Variants in ZDHHC17 observed in about 807,000 individuals in gnomAD.
ZDHHC17 encodes the protein zDHHC palmitoyltransferase 17.
ZDHHC17 carries 40 observed loss-of-function variants against 90.3 expected under a neutral mutation model. The ratio of observed to expected loss-of-function variants is 0.44; its 90% CI spans 0.34 to 0.58. ZDHHC17 has a LOEUF of 0.58. Ranked by LOEUF, ZDHHC17 falls within the 20% of genes least tolerant of loss-of-function variation. The probability of loss-of-function intolerance (pLI) is 0.01; values close to 1 mark genes in which losing one functional copy is unlikely to be tolerated. For synonymous variants in ZDHHC17, 235 were observed against 252.4 expected, an observed-to-expected ratio of 0.93 and a Z score of 0.65; for missense variants, 614 against 780.8, an observed-to-expected ratio of 0.79 and a Z score of 2.55.
rs773144339 is a variant in ZDHHC17 at position 76,805,292 on chromosome 12, A to G, written c.198-25A>G. ...TTACATTTCTTGTTAAATAATAACA[A>G]TGCCATATTTTCTTTCTTTTCTAGA... is the stretch of plus-strand genomic sequence containing the variant. On this transcript the variant is annotated intron_variant, in intron 2 of 16. Coordinates refer to ENST00000426126, the MANE Select transcript of ZDHHC17 (RefSeq NM_015336.4). 6.4e-6 allele frequency: 10 copies of G among 1,555,552 alleles called. No individual in the cohort carries two copies. The African/African-American group carries it at 9.5e-5, about 15-fold the overall frequency.
At chr12:76,769,985 G>GTA (rs1952474967) in intron 1 of ZDHHC17, among the ~76,000 whole-genome samples, 1 of 152,182 alleles carries the variant, frequency 6.6e-6, no homozygotes, top group South Asian at 2.1e-4. Context: ...GGATATAAGA[G>GTA]TATATAGGTT....
chr12:76,843,530 T>G (rs1399321811), intron 12 of ZDHHC17, among the ~76,000 whole-genome samples: 1 of 152,056 alleles, frequency 6.6e-6, no homozygotes, highest in African/African-American at 2.4e-5. Context: ...GGTAAAGATA[T>G]ATATGAAATT....
At chr12:76,815,293 A>T in intron 6 of ZDHHC17, 83 bp downstream of exon 6, 1 of 805,140 alleles carries the variant, frequency 1.2e-6, no homozygotes, top group East Asian at 2.8e-5. Context: ...AGCAGTTAAT[A>T]CTATACTCAC....
At chr12:76,775,847 A>G (rs1454795253) in intron 1 of ZDHHC17, among the ~76,000 whole-genome samples, 3 of 152,040 alleles carry the variant, frequency 2.0e-5, no homozygotes, top group African/African-American at 7.2e-5. Context: ...TTACCTCCCT[A>G]TGTTCTTTCA....
rs77363236 is a variant in ZDHHC17, at chr12:76,830,974, A to G, written c.1141+2484A>G. ...AAATAAGAGAGGCAAATTTTGAAGG[A>G]AAGACCAGAACAATCAAGTCTATTT... On this transcript the variant is annotated intron_variant, in intron 10 of 16. Transcript: ENST00000426126. Among the ~76,000 whole-genome samples, 496 of 152,322 alleles carry G rather than the reference A, an allele frequency of 3.3e-3. 3 individuals are homozygous for G. Among genetic ancestry groups the G allele is most frequent in the African/African-American group, 0.011 (466 of 41,578 alleles).
At chr12:76,774,801 G>A (rs1952539692) in intron 1 of ZDHHC17, among the ~76,000 whole-genome samples, 1 of 152,158 alleles carries the variant, frequency 6.6e-6, no homozygotes. Context: ...TAACCTGTAT[G>A]TATTTTAATA....
intron 1 of ZDHHC17, among the ~76,000 whole-genome samples, chr12:76,777,348 T>G (rs1230698844): frequency 6.6e-6 from 1 of 152,040 alleles, no homozygotes; most frequent in Non-Finnish European, 1.5e-5. Context: ...GTCATCAGGT[T>G]GTTGTGTGTA....
At chr12:76,794,703 A>G (rs1952798931) in intron 1 of ZDHHC17, among the ~76,000 whole-genome samples, 2 of 152,200 alleles carry the variant, frequency 1.3e-5, no homozygotes, top group African/African-American at 4.8e-5. Context: ...TCTAATTTCC[A>G]GTAACATTTT....
At chr12:76,848,962 A>T (rs1027235158) in intron 15 of ZDHHC17, among the ~76,000 whole-genome samples, 1 of 151,566 alleles carries the variant, frequency 6.6e-6, no homozygotes, top group Non-Finnish European at 1.5e-5. Flanking sequence ...CTTCAAATTA[A>T]TTTTTTTATA....
intron 1 of ZDHHC17, among the ~76,000 whole-genome samples, chr12:76,782,842 G>A (rs1181139969): frequency 6.6e-6 from 1 of 152,018 alleles, no homozygotes; most frequent in Non-Finnish European, 1.5e-5. Context: ...TAGTCAGCAA[G>A]CAGAATGAGG....
chr12:76,799,839 C>G (rs573902631), intron 2 of ZDHHC17, among the ~76,000 whole-genome samples: 54 of 152,194 alleles, frequency 3.5e-4, no homozygotes, highest in African/African-American at 1.3e-3. Flanking sequence ...ATGCCTGGGA[C>G]CAGAAGTGTT....
chr12:76,783,386 A>G (rs184341021), intron 1 of ZDHHC17, among the ~76,000 whole-genome samples: 2 of 152,226 alleles, frequency 1.3e-5, no homozygotes, highest in Non-Finnish European at 2.9e-5. Flanking sequence ...ACATGGTGGC[A>G]GGAAAGAGGA....
intron 1 of ZDHHC17, among the ~76,000 whole-genome samples, chr12:76,771,484 T>C (rs1191070732): frequency 6.6e-6 from 1 of 152,210 alleles, no homozygotes; most frequent in Non-Finnish European, 1.5e-5. Flanking sequence ...TCGGTGATAC[T>C]GTTAGGGATA....
rs376695271 is a variant in ZDHHC17, at chr12:76,789,058, A to T, written c.94-8376A>T. The stretch of plus-strand genomic sequence containing the variant: ...AATAACACCCAGTGCCAGTGAGTTT[A>T]TGGAGAAATAGTTAATCATGTATTG... On this transcript the variant is annotated intron_variant, in intron 1 of 16. Coordinates refer to ENST00000426126, the MANE Select transcript of ZDHHC17 (RefSeq NM_015336.4). Among the ~76,000 whole-genome samples, 5 of 152,202 alleles carry T rather than the reference A, an allele frequency of 3.3e-5. No homozygotes were observed. The South Asian group carries it at 1.0e-3, about 31-fold the overall frequency.
chr12:76,780,557 A>C (rs76482568), intron 1 of ZDHHC17, among the ~76,000 whole-genome samples: 345 of 152,310 alleles, frequency 2.3e-3, no homozygotes, highest in African/African-American at 7.7e-3. Flanking sequence ...CTTTGTAATA[A>C]AATTCTTAAA....
intron 1 of ZDHHC17, among the ~76,000 whole-genome samples, chr12:76,793,231 G>A (rs1303435557): frequency 1.3e-5 from 2 of 152,160 alleles, no homozygotes; most frequent in South Asian, 2.1e-4. Context: ...TGTTTAAGAC[G>A]GGAATGAGGC....
intron 1 of ZDHHC17, among the ~76,000 whole-genome samples, chr12:76,770,886 A>G (rs1398081202): frequency 6.7e-6 from 1 of 148,438 alleles, no homozygotes; most frequent in Non-Finnish European, 1.5e-5. Flanking sequence ...GTGAGCTAAG[A>G]TCGTGCCATC....
intron 9 of ZDHHC17, among the ~76,000 whole-genome samples, chr12:76,827,695 A>AT (rs1393285134): frequency 6.6e-6 from 1 of 152,088 alleles, no homozygotes; most frequent in Non-Finnish European, 1.5e-5. Context: ...TCTGAAAATA[A>AT]TTCACACAGA....
intron 1 of ZDHHC17, among the ~76,000 whole-genome samples, chr12:76,766,558 C>T (rs17042538): frequency 0.045 from 6,791 of 152,246 alleles, 232 homozygotes; most frequent in East Asian, 0.16. Context: ...GGAAGAAACC[C>T]ATTCTCTGTC....
Sources: gnomAD v4.1 joint callset for allele counts (sites outside exome capture counted in the v4.1 genomes callset) on GRCh38, gnomAD v4.1.1 for gene constraint, MANE v1.5 for transcripts, NCBI Gene and HGNC (gene_info 2026-07-23, HGNC 2026-07-21) for gene names.